Variants in STOX2 observed in about 807,000 individuals in gnomAD.
The protein encoded by STOX2 is storkhead box 2.
A neutral mutation model predicts 60.9 loss-of-function variants in STOX2; 28 were observed. The observed-to-expected ratio is 0.46, with a 90% CI of 0.34 to 0.63. The LOEUF (loss-of-function observed/expected upper bound fraction) is 0.63. Among genes scored for constraint, STOX2 ranks in the 30% least tolerant of loss-of-function variants. The pLI is 0.01. For missense variants in STOX2, 1,024 were observed against 1,187.7 expected (o/e 0.86, Z 2.03); for synonymous variants, 472 against 463.9 (o/e 1.02, Z -0.22).
rs201222429 is a variant in STOX2 at position 183,990,945 on chromosome 4, A to G, written c.167-10380A>G. Among the ~76,000 whole-genome samples, 3 of 152,280 alleles carry G rather than the reference A, an allele frequency of 2.0e-5. No homozygotes were observed. The East Asian group carries it at 5.8e-4, about 29-fold the overall frequency. On this transcript the variant is annotated intron_variant, in intron 1 of 3. Coordinates refer to ENST00000308497, the MANE Select transcript of STOX2 (RefSeq NM_020225.3). ...CCTACAGGACATTTTCCTTAGAAGA[A>G]AGAGCCAGAATGGTTACTAATAATT...
intron 1 of STOX2, among the ~76,000 whole-genome samples, chr4:183,877,942 G>A (rs1228203702): frequency 6.6e-6 from 1 of 151,902 alleles, no homozygotes; most frequent in African/African-American, 2.4e-5. Flanking sequence ...TGCCTTCCTC[G>A]GCCTCCCAAA....
At chr4:183,869,992 C>A (rs918461698) in intron 1 of STOX2, among the ~76,000 whole-genome samples, 1 of 152,104 alleles carries the variant, frequency 6.6e-6, no homozygotes, top group African/African-American at 2.4e-5. Flanking sequence ...GGTATCTTTC[C>A]CAAAATTTGT....
At chr4:183,827,114 C>G (rs1212565028) in intron 1 of STOX2, among the ~76,000 whole-genome samples, 1 of 152,072 alleles carries the variant, frequency 6.6e-6, no homozygotes, top group Non-Finnish European at 1.5e-5. Context: ...TATTTGAACT[C>G]AGAAAGTCTG....
intron 1 of STOX2, among the ~76,000 whole-genome samples, chr4:183,922,059 C>G (rs1322442424): frequency 1.3e-5 from 2 of 152,160 alleles, no homozygotes; most frequent in Non-Finnish European, 2.9e-5. Flanking sequence ...TTATTGTCTT[C>G]CTCTTTCTAA....
upstream of STOX2, among the ~76,000 whole-genome samples, chr4:183,901,597 AT>A (rs35480727): frequency 0.37 from 51,311 of 140,120 alleles, 9,069 homozygotes; most frequent in East Asian, 0.46. Flanking sequence ...GTTTTTGGGT[AT>A]TTTTTTTTTT....
Position 183,860,136 on chromosome 4 carries a change from A to G in STOX2, c.364+62081A>G, listed in dbSNP as rs139113172. ...CTATTTAGGATGTAGTTCACTGTGAATTTTTAAATCAAAGAAAATAACTTC... is the reference window on the plus strand; with the variant it reads ...CTATTTAGGATGTAGTTCACTGTGAGTTTTTAAATCAAAGAAAATAACTTC... On this transcript the variant is annotated intron_variant, in intron 1 of 2. Coordinates refer to the STOX2 transcript ENST00000513034. 5.2e-3 allele frequency among the ~76,000 whole-genome samples: 786 copies of G among 152,080 alleles called. 3 individuals carry two copies. The highest frequency in any genetic ancestry group is 0.018 in the African/African-American group (762 of 41,478).
chr4:183,892,265 C>G (rs1477184623), intron 1 of STOX2, among the ~76,000 whole-genome samples: 2 of 152,178 alleles, frequency 1.3e-5, no homozygotes, highest in African/African-American at 2.4e-5. Flanking sequence ...CCGTATGGAG[C>G]CTTGCCCTGC....
intron 1 of STOX2, among the ~76,000 whole-genome samples, chr4:183,951,977 T>C (rs765618146): frequency 7.9e-5 from 12 of 152,024 alleles, no homozygotes; most frequent in Non-Finnish European, 7.4e-5. Flanking sequence ...TGAGCGACTC[T>C]CTTCACTCTC....
intron 1 of STOX2, among the ~76,000 whole-genome samples, chr4:183,888,258 T>C (rs1167956965): frequency 6.6e-6 from 1 of 152,230 alleles, no homozygotes; most frequent in Non-Finnish European, 1.5e-5. Flanking sequence ...GCATTACTAA[T>C]AGTAGCTAAC....
intron 1 of STOX2, among the ~76,000 whole-genome samples, chr4:183,838,623 C>T (rs570818075): frequency 9.2e-5 from 14 of 152,330 alleles, no homozygotes; most frequent in Non-Finnish European, 2.1e-4. Flanking sequence ...TTGCCACAGC[C>T]TCGCCAGTGT....
At chr4:183,872,059 A>T (rs984086634) in intron 1 of STOX2, among the ~76,000 whole-genome samples, 2 of 151,990 alleles carry the variant, frequency 1.3e-5, no homozygotes, top group Non-Finnish European at 2.9e-5. Flanking sequence ...CATCGAGTGG[A>T]ATCATTTTTT....
At chr4:183,800,067 G>T in intron 1 of STOX2, among the ~76,000 whole-genome samples, 1 of 151,560 alleles carries the variant, frequency 6.6e-6, no homozygotes, top group Non-Finnish European at 1.5e-5. Context: ...CTGCCTGGGG[G>T]GTGGGGTGGG....
intron 1 of STOX2, among the ~76,000 whole-genome samples, chr4:183,899,174 G>A (rs1442449876): frequency 6.6e-6 from 1 of 152,198 alleles, no homozygotes; most frequent in Non-Finnish European, 1.5e-5. Context: ...TAAGTGTTGT[G>A]TGCGATCTGA....
At chr4:183,980,617 G>C (rs1732626931) in intron 1 of STOX2, among the ~76,000 whole-genome samples, 1 of 152,132 alleles carries the variant, frequency 6.6e-6, no homozygotes, top group Non-Finnish European at 1.5e-5. Flanking sequence ...GCTTTGTGAT[G>C]AGAATGTTTG....
chr4:183,927,634 A>G (rs1016718424), intron 1 of STOX2, among the ~76,000 whole-genome samples: 2 of 151,842 alleles, frequency 1.3e-5, no homozygotes, highest in African/African-American at 4.8e-5. Context: ...GTACTTTTTC[A>G]GTGCACATAT....
Position 184,017,342 on chromosome 4 carries a change from G to A in STOX2, c.*58G>A. On this transcript the variant is annotated 3_prime_UTR_variant, in exon 4 of 4. Coordinates refer to ENST00000308497, the MANE Select transcript of STOX2 (RefSeq NM_020225.3). ...CGATACAGCAAAGTTTACGACACTG[G>A]GACTGATGTTTACATCTTTGGAAAG... 7.1e-7 allele frequency: 1 copy of A among 1,413,246 alleles called. No homozygotes were observed. Among genetic ancestry groups the A allele is most frequent in the Non-Finnish European group, 9.5e-7 (1 of 1,052,606 alleles). 87.5% of individuals were successfully genotyped at this position (1,413,246 alleles called of 1,614,324 possible). A position where few individuals can be genotyped will look rare whatever the true frequency, so the allele number is the denominator to read the frequency against.
Position 184,020,898 on chromosome 4 carries a change from A to G in STOX2, c.*3614A>G, listed in dbSNP as rs1296055663. ...ACCAGCATCTAAAATGTAAATTTAAATTACATTGCAGTCACCATGGGGAGA... is the reference window on the plus strand; with the variant it reads ...ACCAGCATCTAAAATGTAAATTTAAGTTACATTGCAGTCACCATGGGGAGA... On this transcript the variant is annotated 3_prime_UTR_variant, in exon 4 of 4. Coordinates refer to ENST00000308497, the MANE Select transcript of STOX2 (RefSeq NM_020225.3). 5 of 152,238 alleles carry G rather than the reference A, an allele frequency of 3.3e-5. No homozygotes were observed. The highest frequency in any genetic ancestry group is 1.2e-4 in the African/African-American group (5 of 41,472). The allele number at this position is 152,238 out of a possible 1,614,324, so 9.4% of individuals were successfully genotyped here.
intron 1 of STOX2, among the ~76,000 whole-genome samples, chr4:183,915,761 C>T (rs183119708): frequency 1.3e-5 from 2 of 152,364 alleles, no homozygotes; most frequent in African/African-American, 2.4e-5. Flanking sequence ...GGACCGACAG[C>T]CACCACCGGA....
intron 1 of STOX2, among the ~76,000 whole-genome samples, chr4:183,930,948 T>C (rs902197284): frequency 1.3e-5 from 2 of 152,208 alleles, no homozygotes; most frequent in Non-Finnish European, 2.9e-5. Context: ...GAAATTTCTA[T>C]TGGGGGACAA....
Sources: gnomAD v4.1 joint callset for allele counts (sites outside exome capture counted in the v4.1 genomes callset) on GRCh38, gnomAD v4.1.1 for gene constraint, MANE v1.5 for transcripts, NCBI Gene and HGNC (gene_info 2026-07-23, HGNC 2026-07-21) for gene names.